PRKG1: variants seen among roughly 807,000 people sequenced by gnomAD.
PRKG1 encodes the protein protein kinase cGMP-dependent 1, also known as cGMP-dependent protein kinase 1.
A neutral mutation model predicts 88.1 loss-of-function variants in PRKG1; 35 were observed. The observed-to-expected ratio is 0.40, with a 90% CI of 0.30 to 0.53. PRKG1 has a LOEUF of 0.53. Ranked by LOEUF, PRKG1 falls within the 20% of genes least tolerant of loss-of-function variation. The pLI, the probability that PRKG1 is intolerant of heterozygous loss-of-function variation, is 0.59. For missense variants in PRKG1, 540 were observed against 839.8 expected (o/e 0.64, Z 4.41); for synonymous variants, 303 against 292.5 (o/e 1.04, Z -0.37).
chr10:51,808,251 A>C (rs1338617351), intron 4 of PRKG1, among the ~76,000 whole-genome samples: 1 of 151,976 alleles, frequency 6.6e-6, no homozygotes, highest in Non-Finnish European at 1.5e-5. Flanking sequence ...TTTCTTTATG[A>C]CTTACAAAAA....
At chr10:51,831,397 C>G (rs952157449) in intron 4 of PRKG1, among the ~76,000 whole-genome samples, 1 of 150,904 alleles carries the variant, frequency 6.6e-6, no homozygotes, top group Non-Finnish European at 1.5e-5. Flanking sequence ...TCACTGGTAA[C>G]ATTCTGGTCT....
At chr10:51,318,013 G>A (rs1230789710) in intron 2 of PRKG1, among the ~76,000 whole-genome samples, 2 of 152,052 alleles carry the variant, frequency 1.3e-5, no homozygotes, top group Non-Finnish European at 1.5e-5. Context: ...TCTGTGCTGT[G>A]GTACCTCCTA....
intron 5 of PRKG1, among the ~76,000 whole-genome samples, chr10:52,022,508 A>G (rs1845211853): frequency 6.6e-6 from 1 of 152,158 alleles, no homozygotes; most frequent in Non-Finnish European, 1.5e-5. Flanking sequence ...CAGTCTCAAC[A>G]TTATGGTTTT....
At chr10:51,923,767 T>A (rs1452569760) in intron 5 of PRKG1, among the ~76,000 whole-genome samples, 2 of 152,012 alleles carry the variant, frequency 1.3e-5, no homozygotes, top group East Asian at 3.9e-4. Flanking sequence ...AGTTGTTACC[T>A]GTTAAATCAA....
chr10:51,281,883 C>T (rs1291300239), intron 2 of PRKG1, among the ~76,000 whole-genome samples: 1 of 152,174 alleles, frequency 6.6e-6, no homozygotes, highest in Non-Finnish European at 1.5e-5. Flanking sequence ...TCATTAGAGT[C>T]ACCTGTGAAA....
chr10:52,289,075 A>T lies in PRKG1; in HGVS notation c.1895+82A>T, dbSNP rs369555171. The T allele has an allele frequency of 6.8e-6, 9 of 1,324,286 alleles. No individual in the cohort carries two copies. The African/African-American group carries it at 1.3e-4, about 20-fold the overall frequency. 82.0% of individuals were successfully genotyped at this position (1,324,286 alleles called of 1,614,324 possible). ...CTTTTTAAGTTATTGGTGTAAAACT[A>T]GTATAATTAGCCTATAGGAACATCC... is the stretch of plus-strand genomic sequence containing the variant. On this transcript the variant is annotated intron_variant, in intron 16 of 17. Transcript: ENST00000373980.
At chr10:52,206,110 CT>C (rs61294478) in intron 9 of PRKG1, among the ~76,000 whole-genome samples, 125,791 of 152,006 alleles carry the variant, frequency 0.83, 52,517 homozygotes, top group Non-Finnish European at 0.89. Flanking sequence ...CTTTTTAATT[CT>C]TTTTTTCTTT....
intron 2 of PRKG1, among the ~76,000 whole-genome samples, chr10:51,463,676 A>G (rs74132285): frequency 8.0e-4 from 122 of 152,330 alleles, no homozygotes; most frequent in African/African-American, 2.9e-3. Flanking sequence ...CTTGGAAATC[A>G]TTTGTAAATG....
intron 3 of PRKG1, among the ~76,000 whole-genome samples, chr10:51,774,985 A>G (rs1838397856): frequency 6.6e-6 from 1 of 152,170 alleles, no homozygotes; most frequent in Admixed American, 6.5e-5. Flanking sequence ...TCAGTCTTAA[A>G]ATACTCATTT....
At chr10:51,692,844 TACTC>T (rs1211428779) in intron 3 of PRKG1, among the ~76,000 whole-genome samples, 3 of 152,240 alleles carry the variant, frequency 2.0e-5, no homozygotes, top group Non-Finnish European at 2.9e-5. Flanking sequence ...ATATTATACA[TACTC>T]AATCATATAA....
intron 3 of PRKG1, among the ~76,000 whole-genome samples, chr10:51,559,329 G>A (rs1837398415): frequency 6.6e-6 from 1 of 152,046 alleles, no homozygotes; most frequent in South Asian, 2.1e-4. Context: ...ATTTTCCCTG[G>A]CTCCTCATAT....
At chr10:51,528,847 C>T (rs1841947129) in intron 3 of PRKG1, among the ~76,000 whole-genome samples, 1 of 151,980 alleles carries the variant, frequency 6.6e-6, no homozygotes, top group African/African-American at 2.4e-5. Context: ...AATTAGAAGC[C>T]TTGAAACAAT....
intron 4 of PRKG1, among the ~76,000 whole-genome samples, chr10:51,833,270 G>A (rs2132757681): frequency 6.6e-6 from 1 of 152,274 alleles, no homozygotes; most frequent in African/African-American, 2.4e-5. Context: ...GTTGCTGAGT[G>A]ACGTAAAATT....
chr10:51,947,659 A>G (rs1263874898), intron 5 of PRKG1, among the ~76,000 whole-genome samples: 2 of 152,188 alleles, frequency 1.3e-5, no homozygotes, highest in African/African-American at 2.4e-5. Flanking sequence ...ACACTCAAGC[A>G]GGTTCATGGG....
intron 2 of PRKG1, among the ~76,000 whole-genome samples, chr10:51,304,073 G>A (rs1379012613): frequency 6.6e-6 from 1 of 152,074 alleles, no homozygotes; most frequent in Non-Finnish European, 1.5e-5. Flanking sequence ...GCCCACCTCG[G>A]CCTCCCAAAG....
At chr10:51,015,120 A>C (rs1219222882) in intron 1 of PRKG1, among the ~76,000 whole-genome samples, 1 of 152,208 alleles carries the variant, frequency 6.6e-6, no homozygotes, top group Admixed American at 6.5e-5. Flanking sequence ...GCTGAATAAA[A>C]TCTCTTTTTA....
chr10:51,997,283 C>T (rs1844471822), intron 5 of PRKG1, among the ~76,000 whole-genome samples: 2 of 151,702 alleles, frequency 1.3e-5, no homozygotes, highest in African/African-American at 4.8e-5. Context: ...CCATCCTGGC[C>T]AACATGGTGA....
At position 52,293,790 on chromosome 10, in the gene PRKG1, C is replaced by A; in HGVS notation, c.1963-12C>A. The A allele has an allele frequency of 6.2e-7, 1 of 1,600,396 alleles. No homozygotes were observed. The highest frequency in any genetic ancestry group is 1.1e-5 in the South Asian group (1 of 88,620). ...AAAAATCCACTAAAAAAAACCTGTC[C>A]ATTTTTTACAGGTTGCATCACCCAC... On this transcript the variant is annotated splice_polypyrimidine_tract_variant and intron_variant, in intron 17 of 17. Coordinates refer to ENST00000373980, the MANE Select transcript of PRKG1 (RefSeq NM_006258.4).
At chr10:51,186,954 TTA>T (rs3061211) in intron 2 of PRKG1, among the ~76,000 whole-genome samples, 2,113 of 131,200 alleles carry the variant, frequency 0.016, 37 homozygotes, top group African/African-American at 0.046. Context: ...AGGCCCTGTG[TTA>T]TATATATATA....
Sources: gnomAD v4.1 joint callset for allele counts (sites outside exome capture counted in the v4.1 genomes callset) on GRCh38, gnomAD v4.1.1 for gene constraint, MANE v1.5 for transcripts, NCBI Gene and HGNC (gene_info 2026-07-23, HGNC 2026-07-21) for gene names.